The following ASH2L variants were observed in gnomAD, a reference collection of about 807,000 sequenced individuals.
ASH2L encodes the protein set1/Ash2 histone methyltransferase complex subunit ASH2.
In ASH2L, 30 loss-of-function variants were observed where a neutral mutation model predicts 81.1. The observed-to-expected ratio is 0.37, with a 90% confidence interval of 0.28 to 0.50. ASH2L has a LOEUF of 0.50. Ranked by LOEUF, ASH2L falls within the 20% of genes least tolerant of loss-of-function variation. The pLI, the probability that ASH2L is intolerant of heterozygous loss-of-function variation, is 0.95. For missense variants in ASH2L, 559 were observed against 792.1 expected, an observed-to-expected ratio of 0.71 and a Z score of 3.53; for synonymous variants, 273 against 279.9, an observed-to-expected ratio of 0.98 and a Z score of 0.24.
At chr8:38,112,208 T>C (rs1017347545) in intron 5 of ASH2L, among the ~76,000 whole-genome samples, 5 of 152,110 alleles carry the variant, frequency 3.3e-5, no homozygotes, top group Admixed American at 6.5e-5. Context: ...GTGGTCTCAC[T>C]AGCTGGTTTC....
intron 10 of ASH2L, 127 bp downstream of exon 10, chr8:38,121,276 A>G (rs1811131267): frequency 1.4e-6 from 1 of 693,814 alleles, no homozygotes; most frequent in Non-Finnish European, 2.3e-6. Context: ...CTCTGTCTAG[A>G]TTCATCCAGA....
intron 12 of ASH2L, among the ~76,000 whole-genome samples, chr8:38,131,085 T>G (rs1224272350): frequency 2.6e-5 from 4 of 152,204 alleles, no homozygotes; most frequent in East Asian, 3.9e-4. Flanking sequence ...TATCACAGTG[T>G]CTTGGTTATC....
chr8:38,114,435 TTAG>T lies in ASH2L; in HGVS notation c.681+153_681+155del, dbSNP rs1456262435. 4 of 603,872 alleles carry T rather than the reference TTAG, an allele frequency of 6.6e-6. No individual in the cohort carries two copies. The African/African-American group carries it at 7.6e-5, about 12-fold the overall frequency. 37.4% of individuals were successfully genotyped at this position (603,872 alleles called of 1,614,324 possible). A position where few individuals can be genotyped will look rare whatever the true frequency, so the allele number is the denominator to read the frequency against. On this transcript the variant is annotated intron_variant, in intron 6 of 15. Coordinates refer to ENST00000343823, the MANE Select transcript of ASH2L (RefSeq NM_004674.5). ...TGTGAGATACAGCTAATTGTGAATT[TTAG>T]TAGTTTTCACACACAGAATCAGTGA...
At chr8:38,125,783 G>C (rs1457980232) in intron 10 of ASH2L, among the ~76,000 whole-genome samples, 3 of 152,104 alleles carry the variant, frequency 2.0e-5, no homozygotes, top group African/African-American at 7.2e-5. Flanking sequence ...AACCTGGCAG[G>C]CATCATCTTA....
At chr8:38,120,873 G>A in intron 9 of ASH2L, 59 bp from the exon 10 acceptor site, 1 of 1,411,660 alleles carries the variant, frequency 7.1e-7, no homozygotes, top group Non-Finnish European at 1.0e-6. Flanking sequence ...TTACACAGTT[G>A]AATGCATTTG....
chr8:38,105,519 G>A, upstream of ASH2L: 7 of 1,521,218 alleles, frequency 4.6e-6, no homozygotes, highest in Non-Finnish European at 6.2e-6. Context: ...AGAGAAGAGA[G>A]TATTCTCGCG....
At chr8:38,118,463 A>G (rs952754107) in intron 8 of ASH2L, among the ~76,000 whole-genome samples, 1 of 152,242 alleles carries the variant, frequency 6.6e-6, no homozygotes, top group African/African-American at 2.4e-5. Flanking sequence ...TGGCTTTAGT[A>G]TGTAGCTAAA....
At chr8:38,135,582 G>A (rs1447975246) in intron 13 of ASH2L, 86 bp from the exon 14 acceptor site, 1 of 904,296 alleles carries the variant, frequency 1.1e-6, no homozygotes, top group East Asian at 2.5e-5. Context: ...TCTGGCAGCA[G>A]CACTTCTAAC....
chr8:38,110,240 A>G (rs1810628235), intron 3 of ASH2L, 139 bp from the exon 4 acceptor site: 3 of 652,006 alleles, frequency 4.6e-6, no homozygotes, highest in Non-Finnish European at 8.1e-6. Flanking sequence ...GAGCCAGGGA[A>G]CGTCAAGTCT....
chr8:38,116,825 C>T, intron 8 of ASH2L, 100 bp downstream of exon 8: 1 of 979,004 alleles, frequency 1.0e-6, no homozygotes, highest in Non-Finnish European at 1.5e-6. Context: ...AACCTGGATA[C>T]TTACTAAAAT....
chr8:38,125,886 T>A (rs1426517850), intron 10 of ASH2L, among the ~76,000 whole-genome samples: 1 of 151,904 alleles, frequency 6.6e-6, no homozygotes, highest in African/African-American at 2.4e-5. Flanking sequence ...TGAGTAAGAA[T>A]AACAATAACC....
At chr8:38,127,880 T>C (rs976757836) in intron 10 of ASH2L, among the ~76,000 whole-genome samples, 1 of 151,470 alleles carries the variant, frequency 6.6e-6, no homozygotes, top group East Asian at 1.9e-4. Flanking sequence ...ACCCTGTCTC[T>C]ACTAAAAATA....
intron 12 of ASH2L, among the ~76,000 whole-genome samples, chr8:38,131,885 C>T (rs954899266): frequency 1.1e-4 from 17 of 148,114 alleles, no homozygotes; most frequent in East Asian, 5.9e-4. Context: ...CTCATTCTGT[C>T]GCCCAGGCTG....
intron 5 of ASH2L, 88 bp downstream of exon 5, chr8:38,110,921 G>A: frequency 9.5e-7 from 1 of 1,053,758 alleles, no homozygotes; most frequent in Non-Finnish European, 1.4e-6. Flanking sequence ...TTTCTTCCCA[G>A]TTTTTATTGA....
intron 14 of ASH2L, 79 bp downstream of exon 14, chr8:38,135,845 C>A: frequency 2.7e-6 from 3 of 1,129,494 alleles, no homozygotes; most frequent in Non-Finnish European, 3.9e-6. Flanking sequence ...TTACTGAGTG[C>A]TGGAACGAAA....
At chr8:38,123,577 A>G (rs554643610) in intron 10 of ASH2L, among the ~76,000 whole-genome samples, 1 of 152,244 alleles carries the variant, frequency 6.6e-6, no homozygotes. Context: ...GTTTGATGCC[A>G]TTTTGGATTC....
At chr8:38,126,275 A>G (rs1056502354) in intron 10 of ASH2L, among the ~76,000 whole-genome samples, 3 of 152,142 alleles carry the variant, frequency 2.0e-5, no homozygotes, top group Non-Finnish European at 2.9e-5. Flanking sequence ...AATGACCAAT[A>G]TTCTTCAAAG....
intron 12 of ASH2L, among the ~76,000 whole-genome samples, chr8:38,130,593 C>T (rs578032367): frequency 2.0e-5 from 3 of 151,704 alleles, no homozygotes; most frequent in Admixed American, 6.6e-5. Context: ...TCTGATTTAC[C>T]TTGGATTAAT....
At chr8:38,116,848 C>G in intron 8 of ASH2L, 123 bp downstream of exon 8, 2 of 787,204 alleles carry the variant, frequency 2.5e-6, no homozygotes, top group African/African-American at 1.8e-5. Flanking sequence ...TTTTATAGTT[C>G]AAACTCAATT....
Sources: allele counts gnomAD v4.1 joint callset (sites outside exome capture counted in the v4.1 genomes callset), GRCh38; gene constraint gnomAD v4.1.1; transcripts MANE v1.5; gene names NCBI Gene and HGNC (gene_info 2026-07-23, HGNC 2026-07-21).